The following MIR2052HG variants were observed in gnomAD, a reference collection of about 807,000 sequenced individuals.
MIR2052HG encodes the protein MIR2052 host gene.
At chr8:74,702,781 G>A (rs1312498489) in intron 3 of MIR2052HG, among the ~76,000 whole-genome samples, 1 of 152,064 alleles carries the variant, frequency 6.6e-6, no homozygotes, top group Admixed American at 6.6e-5. Context: ...CTAAAATCTG[G>A]ATTAAAACAT....
At chr8:74,634,602 C>T (rs916527485) in intron 2 of MIR2052HG, among the ~76,000 whole-genome samples, 1 of 152,018 alleles carries the variant, frequency 6.6e-6, no homozygotes, top group Non-Finnish European at 1.5e-5. Context: ...TGGGATGAGT[C>T]CCCTTGGGGA....
At chr8:74,714,707 T>C (rs1377104990) in intron 4 of MIR2052HG, among the ~76,000 whole-genome samples, 2 of 150,332 alleles carry the variant, frequency 1.3e-5, no homozygotes, top group Non-Finnish European at 3.0e-5. Context: ...TCTTTTTTTT[T>C]TTTTTTTTTT....
intron 3 of MIR2052HG, chr8:74,703,487 C>A: frequency 3.5e-6 from 1 of 285,532 alleles, no homozygotes; most frequent in Non-Finnish European, 7.0e-6. Flanking sequence ...CAAACGATGA[C>A]TGTACTCCAT....
chr8:74,745,559 A>G (rs2128756161), intron 4 of MIR2052HG, among the ~76,000 whole-genome samples: 1 of 152,196 alleles, frequency 6.6e-6, no homozygotes, highest in Non-Finnish European at 1.5e-5. Context: ...TTATGTAAAC[A>G]TCACTGTGGG....
chr8:74,718,102 A>G (rs1202240534), intron 4 of MIR2052HG, among the ~76,000 whole-genome samples: 2 of 152,180 alleles, frequency 1.3e-5, no homozygotes, highest in Non-Finnish European at 2.9e-5. Context: ...TATATTGCAT[A>G]TTACTACAAC....
chr8:74,601,684 C>T lies in MIR2052HG; in HGVS notation n.128+1776C>T, dbSNP rs62521622. On this transcript the variant is annotated intron_variant and non_coding_transcript_variant, in intron 1 of 6. Coordinates refer to ENST00000523442, the Ensembl canonical transcript of MIR2052HG. ...ATCATAGCATATTTTAGGATAAGAG[C>T]TCAGTATTACTATTTTTTGTATCCC... Among the ~76,000 whole-genome samples the T allele has an allele frequency of 8.2e-3, 1,249 of 152,254 alleles. 8 individuals are homozygous for T. The highest frequency in any genetic ancestry group is 0.031 in the Middle Eastern group (9 of 294).
intron 2 of MIR2052HG, among the ~76,000 whole-genome samples, chr8:74,676,177 AT>A (rs1462566803): frequency 6.6e-6 from 1 of 152,070 alleles, no homozygotes; most frequent in African/African-American, 2.4e-5. Context: ...CTGCCAACAG[AT>A]TTTACTAAAG....
intron 2 of MIR2052HG, among the ~76,000 whole-genome samples, chr8:74,684,106 C>T (rs28694622): frequency 0.039 from 5,870 of 152,158 alleles, 157 homozygotes; most frequent in Middle Eastern, 0.051. Context: ...GTCCCGGTGT[C>T]CTTGAGCTAT....
intron 1 of MIR2052HG, among the ~76,000 whole-genome samples, chr8:74,609,344 G>C (rs115538042): frequency 1.3e-5 from 2 of 151,866 alleles, no homozygotes; most frequent in Non-Finnish European, 2.9e-5. Flanking sequence ...CAGATGCTTC[G>C]CTAGGGAATT....
chr8:74,646,347 G>A (rs1188413992), intron 2 of MIR2052HG, among the ~76,000 whole-genome samples: 2 of 152,160 alleles, frequency 1.3e-5, no homozygotes, highest in Admixed American at 6.5e-5. Context: ...TGAAAGTAGA[G>A]AAAACAGGAA....
intron 1 of MIR2052HG, among the ~76,000 whole-genome samples, chr8:74,600,190 G>C (rs1455578607): frequency 6.6e-6 from 1 of 152,092 alleles, no homozygotes; most frequent in East Asian, 1.9e-4. Context: ...CCCTTCTTCT[G>C]CGTCACTCAC....
In MIR2052HG at chr8:74,645,733, G is replaced by C. The variant is rs561711482; in HGVS notation, n.216+32793G>C. 2.6e-5 allele frequency among the ~76,000 whole-genome samples: 4 copies of C among 152,316 alleles called. No individual in the cohort carries two copies. The East Asian group carries it at 7.7e-4, about 29-fold the overall frequency. On this transcript the variant is annotated intron_variant and non_coding_transcript_variant, in intron 2 of 6. Coordinates refer to ENST00000523442, the Ensembl canonical transcript of MIR2052HG. ...TATCTAGAAAGAGCAAAGCCATGGA[G>C]CTATTCCATTAATCAGACCCATGTC...
At chr8:74,734,359 C>A (rs182172285) in intron 4 of MIR2052HG, among the ~76,000 whole-genome samples, 1 of 152,176 alleles carries the variant, frequency 6.6e-6, no homozygotes, top group Non-Finnish European at 1.5e-5. Context: ...CACATATGGG[C>A]ATTTTGTAGT....
chr8:74,640,396 A>G (rs1808626551), intron 2 of MIR2052HG, among the ~76,000 whole-genome samples: 1 of 149,368 alleles, frequency 6.7e-6, no homozygotes, highest in South Asian at 2.1e-4. Flanking sequence ...ACTTGAACCC[A>G]GGAAGCAGAG....
chr8:74,683,420 C>G (rs569882691), intron 2 of MIR2052HG, among the ~76,000 whole-genome samples: 1 of 152,156 alleles, frequency 6.6e-6, no homozygotes, highest in South Asian at 2.1e-4. Context: ...CTATATAATA[C>G]AGATGTGAGG....
intron 2 of MIR2052HG, among the ~76,000 whole-genome samples, chr8:74,636,371 C>T (rs533418677): frequency 5.3e-5 from 8 of 152,082 alleles, no homozygotes; most frequent in African/African-American, 1.4e-4. Context: ...CATTTTTTCT[C>T]GGAAAACAGT....
intron 4 of MIR2052HG, among the ~76,000 whole-genome samples, chr8:74,722,295 T>C (rs905717144): frequency 6.6e-6 from 1 of 152,198 alleles, no homozygotes; most frequent in Non-Finnish European, 1.5e-5. Context: ...TTTAAGTAAT[T>C]GTTCCTAAAA....
At chr8:74,599,999 G>C (rs138348525) in intron 1 of MIR2052HG, 2,004 of 153,788 alleles carry the variant, frequency 0.013, 7 homozygotes, top group Middle Eastern at 0.083. Context: ...TCCAGGTGCC[G>C]TCTGTCACCC....
At chr8:74,690,437 T>C (rs1375354498) in intron 2 of MIR2052HG, among the ~76,000 whole-genome samples, 1 of 151,960 alleles carries the variant, frequency 6.6e-6, no homozygotes, top group Non-Finnish European at 1.5e-5. Context: ...AGATTGATTG[T>C]AGGATTAAAG....
Sources: gnomAD v4.1 joint callset for allele counts (sites outside exome capture counted in the v4.1 genomes callset) on GRCh38, gnomAD v4.1.1 for gene constraint, MANE v1.5 for transcripts, NCBI Gene and HGNC (gene_info 2026-07-23, HGNC 2026-07-21) for gene names.